ALKBH5: variants seen among roughly 807,000 people sequenced by gnomAD.
ALKBH5 encodes alkB homolog 5, RNA demethylase, also known as RNA demethylase ALKBH5.
A neutral mutation model predicts 32.1 loss-of-function variants in ALKBH5; 2 were observed. The observed-to-expected ratio is 0.06, with a 90% CI of 0.03 to 0.20. ALKBH5 has a LOEUF of 0.20. Among genes scored for constraint, ALKBH5 ranks in the 10% least tolerant of loss-of-function variants. ALKBH5 has a pLI of 1.00. For synonymous variants in ALKBH5, 300 were observed against 231.7 expected, an observed-to-expected ratio of 1.29 and a Z score of -2.68; for missense variants, 352 against 559.5, an observed-to-expected ratio of 0.63 and a Z score of 3.74.
chr17:18,191,552 C>G (rs1316472140), intron 1 of ALKBH5, among the ~76,000 whole-genome samples: 1 of 152,220 alleles, frequency 6.6e-6, no homozygotes, highest in Admixed American at 6.5e-5. Context: ...AAAAGTGGTT[C>G]CTTGTTGGAG....
chr17:18,201,818 TA>T (rs796998923), intron 2 of ALKBH5, among the ~76,000 whole-genome samples: 1 of 80,242 alleles, frequency 1.2e-5, no homozygotes, highest in African/African-American at 4.8e-5. Context: ...GATAGATAGA[TA>T]GATAGATAGA....
At chr17:18,195,373 A>G (rs2047198745) in intron 2 of ALKBH5, among the ~76,000 whole-genome samples, 1 of 152,088 alleles carries the variant, frequency 6.6e-6, no homozygotes, top group Admixed American at 6.6e-5. Flanking sequence ...CTTATTTGTT[A>G]CACGTACTCT....
chr17:18,205,367 GTCAC>G (rs1302515256), intron 2 of ALKBH5, among the ~76,000 whole-genome samples: 1 of 152,222 alleles, frequency 6.6e-6, no homozygotes, highest in Non-Finnish European at 1.5e-5. Flanking sequence ...AGACTGAAGA[GTCAC>G]TCACTGCAGC....
intron 1 of ALKBH5, among the ~76,000 whole-genome samples, chr17:18,187,215 A>G (rs568298927): frequency 1.3e-4 from 20 of 152,168 alleles, no homozygotes; most frequent in African/African-American, 4.6e-4. Context: ...GAGGAAATGA[A>G]CTGGAATGTG....
Position 18,183,944 on chromosome 17 carries a change from G to C in ALKBH5, c.-300G>C, listed in dbSNP as rs1485031398. The C allele has an allele frequency of 1.7e-6, 1 of 592,670 alleles. No homozygotes were observed. The highest frequency in any genetic ancestry group is 1.9e-5 in the African/African-American group (1 of 51,782). 36.7% of individuals were successfully genotyped at this position (592,670 alleles called of 1,614,324 possible). On this transcript the variant is annotated 5_prime_UTR_variant, in exon 1 of 4. Transcript: ENST00000399138. ...GTCCGAGGGTCTGGTCGGGAGTCGG[G>C]CCGCGTCTCCGCAGCAGCCCTCCGC...
chr17:18,187,703 C>T (rs2047147891), intron 1 of ALKBH5, among the ~76,000 whole-genome samples: 1 of 152,106 alleles, frequency 6.6e-6, no homozygotes, highest in African/African-American at 2.4e-5. Flanking sequence ...TTAGTAGTGC[C>T]CGTCGTCAAA....
intron 1 of ALKBH5, among the ~76,000 whole-genome samples, chr17:18,189,487 G>A (rs2047160860): frequency 6.6e-6 from 1 of 152,236 alleles, no homozygotes; most frequent in African/African-American, 2.4e-5. Context: ...GTTCATCTCT[G>A]CAAATCTCTT....
At chr17:18,198,092 T>A (rs1597839655) in intron 2 of ALKBH5, among the ~76,000 whole-genome samples, 1 of 152,280 alleles carries the variant, frequency 6.6e-6, no homozygotes, top group East Asian at 1.9e-4. Flanking sequence ...GATAACCAAC[T>A]CCTCAGATAA....
chr17:18,185,135 G>A (rs751395755), intron 1 of ALKBH5, 122 bp downstream of exon 1: 17 of 1,466,252 alleles, frequency 1.2e-5, no homozygotes, highest in Non-Finnish European at 1.5e-5. Flanking sequence ...TCTTCTGTTT[G>A]TAGATTGTAG....
intron 2 of ALKBH5, among the ~76,000 whole-genome samples, chr17:18,205,545 C>T (rs1284591746): frequency 1.3e-5 from 2 of 152,244 alleles, no homozygotes; most frequent in South Asian, 2.1e-4. Context: ...TTCCTACCCA[C>T]GTTCAGAGTA....
chr17:18,196,968 G>A (rs2047207848), intron 2 of ALKBH5, among the ~76,000 whole-genome samples: 1 of 152,176 alleles, frequency 6.6e-6, no homozygotes, highest in African/African-American at 2.4e-5. Context: ...TTTGGTCATT[G>A]GGAATTTTTT....
At chr17:18,198,254 G>T (rs2047215731) in intron 2 of ALKBH5, among the ~76,000 whole-genome samples, 1 of 152,096 alleles carries the variant, frequency 6.6e-6, no homozygotes, top group Admixed American at 6.6e-5. Flanking sequence ...CAGCTCATAC[G>T]CTTGCCATTG....
At chr17:18,193,377 C>A (rs1452144016) in intron 1 of ALKBH5, among the ~76,000 whole-genome samples, 1 of 151,912 alleles carries the variant, frequency 6.6e-6, no homozygotes, top group African/African-American at 2.4e-5. Context: ...GAAACCCCAT[C>A]TCTACTGAAA....
intron 1 of ALKBH5, 57 bp from the exon 2 acceptor site, chr17:18,194,898 A>G: frequency 6.6e-7 from 1 of 1,526,190 alleles, no homozygotes; most frequent in Non-Finnish European, 9.1e-7. Context: ...TATATCCCCC[A>G]GGAACTTTGG....
intron 3 of ALKBH5, 130 bp from the exon 4 acceptor site, chr17:18,208,089 C>T (rs1430747272): frequency 1.0e-6 from 1 of 977,730 alleles, no homozygotes; most frequent in African/African-American, 1.6e-5. Context: ...AGGGCCTCTG[C>T]CAGGACTACC....
intron 2 of ALKBH5, among the ~76,000 whole-genome samples, chr17:18,200,112 A>AATT (rs565221204): frequency 0.17 from 23,265 of 134,462 alleles, 2,354 homozygotes; most frequent in Middle Eastern, 0.22. Context: ...AAAAAAAAAA[A>AATT]TTTTTTTTTT....
At chr17:18,194,374 G>A (rs1271142222) in intron 1 of ALKBH5, among the ~76,000 whole-genome samples, 4 of 152,122 alleles carry the variant, frequency 2.6e-5, no homozygotes, top group African/African-American at 7.2e-5. Flanking sequence ...GGCTGGTCTC[G>A]AACTCCTGAT....
chr17:18,195,265 C>T (rs528541968), intron 2 of ALKBH5, among the ~76,000 whole-genome samples: 32 of 152,332 alleles, frequency 2.1e-4, no homozygotes, highest in Admixed American at 1.2e-3. Flanking sequence ...AAAGCATATA[C>T]GCCCAATATT....
intron 2 of ALKBH5, among the ~76,000 whole-genome samples, chr17:18,198,280 G>T (rs776324140): frequency 5.3e-5 from 8 of 152,174 alleles, no homozygotes; most frequent in Non-Finnish European, 8.8e-5. Context: ...TTTCAAATCT[G>T]CATTCTGTAG....
Sources: gnomAD v4.1 joint callset for allele counts (sites outside exome capture counted in the v4.1 genomes callset) on GRCh38, gnomAD v4.1.1 for gene constraint, MANE v1.5 for transcripts, NCBI Gene and HGNC (gene_info 2026-07-23, HGNC 2026-07-21) for gene names.